OPHN1: variants seen among roughly 807,000 people sequenced by gnomAD.
OPHN1 encodes the protein oligophrenin 1, also known as oligophrenin-1.
In OPHN1, 11 loss-of-function variants were observed where a neutral mutation model predicts 60.7. The observed-to-expected ratio is 0.18, with a 90% confidence interval of 0.11 to 0.30. The LOEUF (loss-of-function observed/expected upper bound fraction) is 0.30. Ranked by LOEUF, OPHN1 falls within the 10% of genes least tolerant of loss-of-function variation. OPHN1 has a pLI of 1.00. For synonymous variants in OPHN1, 226 were observed against 222.6 expected (o/e 1.02, Z -0.14); for missense variants, 449 against 611.0 (o/e 0.73, Z 2.80).
chrX:68,290,507 G>C (rs896108235), intron 3 of OPHN1, among the ~76,000 whole-genome samples: 2 of 110,247 alleles, frequency 1.8e-5, no homozygotes, highest in Non-Finnish European at 3.8e-5. Flanking sequence ...GCTGAGGCAG[G>C]AGAATTGCTT....
rs1407133081 is a variant in OPHN1, at chrX:68,317,360, AAAGAAAGAAAGAAAGAAAGG to A, written c.155-18284_155-18265del. 4.7e-3 allele frequency among the ~76,000 whole-genome samples: 313 copies of A among 66,538 alleles called. 3 individuals carry two copies. The highest frequency in any genetic ancestry group is 0.021 in the African/African-American group (306 of 14,401). 57.8% of individuals were successfully genotyped at this position (66,538 alleles called of 115,157 possible). A position where few individuals can be genotyped will look rare whatever the true frequency, so the allele number is the denominator to read the frequency against. ...AGAGGAAAGAAAGAAAGAAAGAAAG[AAAGAAAGAAAGAAAGAAAGG>A]AAGGAAGGAAGGAAGGAAGGAAGGA... On this transcript the variant is annotated intron_variant, in intron 2 of 24. Coordinates refer to ENST00000355520, the MANE Select transcript of OPHN1 (RefSeq NM_002547.3).
chrX:68,188,160 T>A (rs996600441), intron 15 of OPHN1, among the ~76,000 whole-genome samples: 2 of 112,075 alleles, frequency 1.8e-5, no homozygotes, highest in African/African-American at 6.5e-5. Flanking sequence ...AAAATTCCTA[T>A]CCTACTGTTT....
At chrX:68,051,848 G>A (rs1179284889) in intron 23 of OPHN1, among the ~76,000 whole-genome samples, 1 of 112,014 alleles carries the variant, frequency 8.9e-6, no homozygotes, top group Non-Finnish European at 1.9e-5. Flanking sequence ...ATGAAGAAAT[G>A]AAGAGGCAAA....
chrX:68,090,543 T>C (rs957477003), intron 19 of OPHN1, among the ~76,000 whole-genome samples: 2 of 110,742 alleles, frequency 1.8e-5, no homozygotes, highest in Non-Finnish European at 3.8e-5. Context: ...TCTAGGTTGC[T>C]AGACTGGGTG....
intron 15 of OPHN1, among the ~76,000 whole-genome samples, chrX:68,179,681 C>T (rs1293389117): frequency 1.8e-5 from 2 of 111,961 alleles, no homozygotes; most frequent in Admixed American, 9.5e-5. Flanking sequence ...ATTTCTCCAT[C>T]CACTGCTTCC....
At chrX:68,327,790 AAAAAAAT>A (rs2078271581) in intron 2 of OPHN1, among the ~76,000 whole-genome samples, 7 of 79,811 alleles carry the variant, frequency 8.8e-5, no homozygotes, top group Admixed American at 1.2e-4. Context: ...ATAAAAAATA[AAAAAAAT>A]AAAAAAAAAA....
rs6625296 is a variant in OPHN1 at position 68,333,913 on chromosome X, T to C, written c.155-34817A>G. 5.0e-5 allele frequency among the ~76,000 whole-genome samples: 5 copies of C among 99,430 alleles called. No individual in the cohort carries two copies. The East Asian group carries it at 1.6e-3, about 31-fold the overall frequency. 86.3% of individuals were successfully genotyped at this position (99,430 alleles called of 115,157 possible). A position where few individuals can be genotyped will look rare whatever the true frequency, so the allele number is the denominator to read the frequency against. On this transcript the variant is annotated intron_variant, in intron 2 of 24. Coordinates refer to ENST00000355520, the MANE Select transcript of OPHN1 (RefSeq NM_002547.3). ...TGAATTTTTTTTTTTTTTTTTGGGT[T>C]GGGGGAGCCAGAGTCTCTCTCTGTC... is the stretch of plus-strand genomic sequence containing the variant.
At chrX:68,222,419 C>A (rs1207418114) in intron 6 of OPHN1, among the ~76,000 whole-genome samples, 1 of 107,648 alleles carries the variant, frequency 9.3e-6, no homozygotes, top group Admixed American at 1.0e-4. Context: ...CCCAGTCATC[C>A]CATTACTGGG....
At chrX:68,309,000 C>T (rs979325377) in intron 2 of OPHN1, among the ~76,000 whole-genome samples, 8 of 110,456 alleles carry the variant, frequency 7.2e-5, no homozygotes, top group African/African-American at 1.6e-4. Context: ...TTGAGGAGGC[C>T]GATCTCAAAC....
chrX:68,265,996 C>T (rs1488540622), intron 5 of OPHN1, among the ~76,000 whole-genome samples: 1 of 111,380 alleles, frequency 9.0e-6, no homozygotes, highest in Non-Finnish European at 1.9e-5. Flanking sequence ...TAAAAAGAAA[C>T]AAACAAAGCC....
Position 68,283,018 on chromosome X carries a change from C to T in OPHN1, c.312+38G>A, listed in dbSNP as rs1480723473. 3 of 1,089,739 alleles carry T rather than the reference C, an allele frequency of 2.8e-6. No individual in the cohort carries two copies. The Admixed American group carries it at 6.6e-5, about 24-fold the overall frequency. 89.8% of individuals were successfully genotyped at this position (1,089,739 alleles called of 1,213,427 possible). A position where few individuals can be genotyped will look rare whatever the true frequency, so the allele number is the denominator to read the frequency against. On this transcript the variant is annotated intron_variant, in intron 4 of 24. Transcript: ENST00000355520. ...GGAAAGGAAAAATCCCCTATATCAC[C>T]CATGAACTCAGCTTCAGTGACAGCG... is the stretch of plus-strand genomic sequence containing the variant.
intron 2 of OPHN1, among the ~76,000 whole-genome samples, chrX:68,309,933 T>C (rs1186438791): frequency 8.9e-6 from 1 of 112,002 alleles, no homozygotes; most frequent in African/African-American, 3.2e-5. Flanking sequence ...CAGCCACAGC[T>C]TCTAGTGCTG....
chrX:68,428,649 A>G lies in OPHN1; in HGVS notation c.154+4218T>C, dbSNP rs1002985985. On this transcript the variant is annotated intron_variant, in intron 2 of 24. Coordinates refer to ENST00000355520, the MANE Select transcript of OPHN1 (RefSeq NM_002547.3). ...TGAATAGTATGCATTCGCTAACTAT[A>G]TATAACACTTATTAGATGTGTCATG... Among the ~76,000 whole-genome samples, 3 of 112,342 alleles carry G rather than the reference A, an allele frequency of 2.7e-5. No individual in the cohort carries two copies. The Admixed American group carries it at 2.9e-4, about 11-fold the overall frequency.
At chrX:68,403,280 C>G (rs2078724533) in intron 2 of OPHN1, among the ~76,000 whole-genome samples, 1 of 111,399 alleles carries the variant, frequency 9.0e-6, no homozygotes, top group Non-Finnish European at 1.9e-5. Flanking sequence ...AGCCTCAGAG[C>G]CCAGATACAG....
chrX:68,356,483 G>T (rs1019043242), intron 2 of OPHN1, among the ~76,000 whole-genome samples: 2 of 110,129 alleles, frequency 1.8e-5, no homozygotes, highest in African/African-American at 6.6e-5. Context: ...TATGATCTTG[G>T]CTCACTGCAA....
chrX:68,263,906 T>G (rs1423800552), intron 5 of OPHN1, among the ~76,000 whole-genome samples: 1 of 112,256 alleles, frequency 8.9e-6, no homozygotes, highest in Non-Finnish European at 1.9e-5. Flanking sequence ...TCAAACTGTC[T>G]TCAAAATCCA....
intron 2 of OPHN1, among the ~76,000 whole-genome samples, chrX:68,425,121 C>A (rs1179167229): frequency 2.7e-5 from 3 of 111,731 alleles, no homozygotes; most frequent in Non-Finnish European, 5.6e-5. Flanking sequence ...TGGCACTACA[C>A]CCATCCCAAA....
At chrX:68,050,653 A>AT in intron 23 of OPHN1, among the ~76,000 whole-genome samples, 1 of 111,570 alleles carries the variant, frequency 9.0e-6, no homozygotes, top group East Asian at 2.9e-4. Context: ...CCCCCACAGC[A>AT]TTTTTTCTGT....
At chrX:68,313,889 TTGAA>T (rs1197410280) in intron 2 of OPHN1, among the ~76,000 whole-genome samples, 1 of 111,818 alleles carries the variant, frequency 8.9e-6, no homozygotes, top group Non-Finnish European at 1.9e-5. Context: ...CTTGACATGA[TTGAA>T]TACCTCATTT....
Sources: gnomAD v4.1 joint callset for allele counts (sites outside exome capture counted in the v4.1 genomes callset) on GRCh38, gnomAD v4.1.1 for gene constraint, MANE v1.5 for transcripts, NCBI Gene and HGNC (gene_info 2026-07-23, HGNC 2026-07-21) for gene names.